The following SPTLC1 variants were observed in gnomAD, a reference collection of about 807,000 sequenced individuals.
SPTLC1 encodes serine palmitoyltransferase long chain base subunit 1.
A neutral mutation model predicts 68.9 loss-of-function variants in SPTLC1; 55 were observed. The observed-to-expected ratio is 0.80, with a 90% CI of 0.64 to 1.00. SPTLC1 has a LOEUF of 1.00. Ranked by LOEUF, SPTLC1 falls within the 50% of genes least tolerant of loss-of-function variation. The probability of loss-of-function intolerance (pLI) is 0.00; values close to 1 mark genes in which losing one functional copy is unlikely to be tolerated. For synonymous variants in SPTLC1, 197 were observed against 201.6 expected (o/e 0.98, Z 0.19); for missense variants, 449 against 573.1 (o/e 0.78, Z 2.21).
chr9:92,045,190 C>T (rs1167698340), intron 12 of SPTLC1, among the ~76,000 whole-genome samples: 1 of 152,104 alleles, frequency 6.6e-6, no homozygotes. Flanking sequence ...CCTTTTCTTT[C>T]AGTTAAGTCT....
chr9:92,114,750 A>T lies in SPTLC1; in HGVS notation c.57+564T>A, dbSNP rs536702042. Among the ~76,000 whole-genome samples, 127 of 151,664 alleles carry T rather than the reference A, an allele frequency of 8.4e-4. 2 individuals carry two copies. Among genetic ancestry groups the T allele is most frequent in the African/African-American group, 2.9e-3 (120 of 41,332 alleles). ...AACACCGTCTCAAAAAAAAAAAACA[A>T]AAATAAATAAATAAAAATCGACTAA... On this transcript the variant is annotated intron_variant, in intron 1 of 14. Transcript: ENST00000262554.
At chr9:92,113,960 G>A (rs945793741) in intron 1 of SPTLC1, among the ~76,000 whole-genome samples, 46 of 152,294 alleles carry the variant, frequency 3.0e-4, no homozygotes, top group African/African-American at 1.0e-3. Context: ...AGTTACACGT[G>A]GCTATTTAAG....
chr9:92,034,811 T>C lies in SPTLC1; in HGVS notation c.1327A>G (p.Ser443Gly), dbSNP rs989479188. The change falls in exon 14 of 15, where the codon AGC (serine) becomes GGC (glycine). Residue 443 changes from serine to glycine, a missense_variant and splice_region_variant. Ser to Gly is a moderately conservative substitution (Grantham distance 56, BLOSUM62 0). Transcript: ENST00000262554. ...EKEEKCLPPP[S>G]IRVVVTVEQT... is the part of the protein sequence containing the mutation. ...GGTCATATTTTAACGTCAACTGACC[T>C]GGGAGGAGGGAGACACTTCTCTTCT... 1 of 1,613,824 alleles carries C rather than the reference T, an allele frequency of 6.2e-7. No individual in the cohort carries two copies. Among genetic ancestry groups the C allele is most frequent in the Non-Finnish European group, 8.5e-7 (1 of 1,179,758 alleles).
At chr9:92,074,631 G>A (rs1319935136) in intron 5 of SPTLC1, among the ~76,000 whole-genome samples, 1 of 151,846 alleles carries the variant, frequency 6.6e-6, no homozygotes, top group Non-Finnish European at 1.5e-5. Context: ...ACTTTAAGGG[G>A]CCTAAAGCCT....
intron 2 of SPTLC1, chr9:92,109,233 T>C (rs558919925): frequency 1.5e-5 from 3 of 201,990 alleles, no homozygotes; most frequent in African/African-American, 6.9e-5. Flanking sequence ...CACACAGCAA[T>C]TGTCCAAAAA....
chr9:92,107,302 G>A (rs971573644), intron 3 of SPTLC1, among the ~76,000 whole-genome samples: 3 of 152,164 alleles, frequency 2.0e-5, no homozygotes, highest in African/African-American at 7.2e-5. Context: ...AGGGAATCTG[G>A]CTTACCAAAG....
chr9:92,105,396 T>C (rs1835921520), intron 3 of SPTLC1: 5 of 1,491,794 alleles, frequency 3.4e-6, no homozygotes, highest in Non-Finnish European at 3.6e-6. Flanking sequence ...CTAAGAGAGC[T>C]GCTTAGGAGG....
rs538834492 is a variant in SPTLC1 at position 92,054,785 on chromosome 9, C to A, written c.780+620G>T. On this transcript the variant is annotated intron_variant, in intron 8 of 14. Transcript: ENST00000262554. ...AAAATTAGCTGGGGGTGTCTGCGCA[C>A]GCCTATAGTTCCAGCTACTCGGGAG... 2.6e-5 allele frequency among the ~76,000 whole-genome samples: 4 copies of A among 152,180 alleles called. No individual in the cohort carries two copies. In the South Asian group the frequency reaches 6.2e-4, roughly 24 times the overall value.
At chr9:92,102,143 T>C (rs1835777166) in intron 3 of SPTLC1, among the ~76,000 whole-genome samples, 1 of 152,230 alleles carries the variant, frequency 6.6e-6, no homozygotes. Flanking sequence ...TTCAAAGTGC[T>C]AATGAGAAAT....
chr9:92,050,158 GCTGA>G lies in SPTLC1; in HGVS notation c.781-95_781-92del, dbSNP rs780984943. Reference sequence around the variant, plus strand: ...AAATTAAGATTAAAAAGTATGTACAGCTGACTCTCAATACTTGTGAATTCTATAT... The same window carrying G: ...AAATTAAGATTAAAAAGTATGTACAGCTCTCAATACTTGTGAATTCTATAT... On this transcript the variant is annotated intron_variant, in intron 8 of 14. Transcript: ENST00000262554. 136 of 829,908 alleles carry G rather than the reference GCTGA, an allele frequency of 1.6e-4. No individual in the cohort carries two copies. The Middle Eastern group carries it at 1.9e-3, about 11-fold the overall frequency. 51.4% of individuals were successfully genotyped at this position (829,908 alleles called of 1,614,324 possible).
At chr9:92,071,772 G>A (rs1394008497) in intron 5 of SPTLC1, among the ~76,000 whole-genome samples, 1 of 152,036 alleles carries the variant, frequency 6.6e-6, no homozygotes, top group Non-Finnish European at 1.5e-5. Flanking sequence ...GGGACAACAG[G>A]AAAACCACAA....
intron 3 of SPTLC1, among the ~76,000 whole-genome samples, chr9:92,097,004 G>A (rs1306939548): frequency 6.6e-6 from 1 of 152,112 alleles, no homozygotes; most frequent in Non-Finnish European, 1.5e-5. Flanking sequence ...ATTGAAAACA[G>A]CTAAGTGATT....
At chr9:92,076,154 A>C (rs1434901837) in intron 5 of SPTLC1, among the ~76,000 whole-genome samples, 1 of 152,168 alleles carries the variant, frequency 6.6e-6, no homozygotes, top group East Asian at 1.9e-4. Flanking sequence ...GACTCTAAAT[A>C]CGCCCTTCAC....
At chr9:92,061,807 T>C (rs1257530569) in intron 6 of SPTLC1, among the ~76,000 whole-genome samples, 2 of 152,166 alleles carry the variant, frequency 1.3e-5, no homozygotes, top group Non-Finnish European at 2.9e-5. Flanking sequence ...AATATATGTG[T>C]AATGTAACAC....
At chr9:92,066,415 G>A (rs1243581693) in intron 6 of SPTLC1, among the ~76,000 whole-genome samples, 1 of 152,208 alleles carries the variant, frequency 6.6e-6, no homozygotes, top group Non-Finnish European at 1.5e-5. Flanking sequence ...CCCTGCAGAG[G>A]TGACGTATGT....
At chr9:92,051,038 T>C (rs144938679) in intron 8 of SPTLC1, 1 of 985,314 alleles carries the variant, frequency 1.0e-6, no homozygotes, top group East Asian at 1.1e-4. Flanking sequence ...TATCTGTCCA[T>C]TAGCACTGCT....
intron 3 of SPTLC1, among the ~76,000 whole-genome samples, chr9:92,086,545 T>C (rs1245628070): frequency 6.6e-6 from 1 of 152,356 alleles, no homozygotes; most frequent in Non-Finnish European, 1.5e-5. Context: ...GAAAATTCTT[T>C]TCTTTAAGAA....
At chr9:92,051,081 T>C (rs1388375395) in intron 8 of SPTLC1, 3 of 985,122 alleles carry the variant, frequency 3.0e-6, no homozygotes, top group African/African-American at 3.5e-5. Context: ...TACGTCCTAG[T>C]ATCTTCTGGT....
intron 3 of SPTLC1, among the ~76,000 whole-genome samples, chr9:92,081,878 T>C (rs1390822733): frequency 4.6e-5 from 7 of 152,204 alleles, no homozygotes; most frequent in African/African-American, 1.7e-4. Flanking sequence ...TTGATACCTT[T>C]TAACAGCATT....
Sources: gnomAD v4.1 joint callset for allele counts (sites outside exome capture counted in the v4.1 genomes callset) on GRCh38, gnomAD v4.1.1 for gene constraint, MANE v1.5 for transcripts, NCBI Gene and HGNC (gene_info 2026-07-23, HGNC 2026-07-21) for gene names.